The following PCNX2 variants were observed in gnomAD, a reference collection of about 807,000 sequenced individuals.
The protein encoded by PCNX2 is pecanex 2.
PCNX2 carries 168 observed loss-of-function variants against 223.8 expected under a neutral mutation model. The ratio of observed to expected loss-of-function variants is 0.75; its 90% CI spans 0.66 to 0.85. PCNX2 has a LOEUF of 0.85. Ranked by LOEUF, PCNX2 falls within the 40% of genes least tolerant of loss-of-function variation. The pLI is 0.00. For missense variants in PCNX2, 2,507 were observed against 2,675.5 expected (o/e 0.94, Z 1.39); for synonymous variants, 1,006 against 1,052.6 (o/e 0.96, Z 0.86).
chr1:233,151,686 A>AT (rs917639336), intron 19 of PCNX2, among the ~76,000 whole-genome samples: 53 of 151,654 alleles, frequency 3.5e-4, no homozygotes, highest in African/African-American at 1.2e-3. Flanking sequence ...TTATTTATTT[A>AT]TTTTTGAGAC....
chr1:232,985,043 A>G (rs1412288350), intron 33 of PCNX2: 2 of 152,258 alleles, frequency 1.3e-5, no homozygotes, highest in Non-Finnish European at 2.9e-5. Flanking sequence ...GGGGAAATGT[A>G]TTCTTTTAGT....
At chr1:233,222,832 G>T (rs911307796) in intron 10 of PCNX2, among the ~76,000 whole-genome samples, 2 of 152,216 alleles carry the variant, frequency 1.3e-5, no homozygotes, top group Non-Finnish European at 2.9e-5. Context: ...GCAGGCTTGG[G>T]TGAGGCTGAG....
intron 21 of PCNX2, among the ~76,000 whole-genome samples, chr1:233,129,060 G>A (rs566696749): frequency 4.6e-5 from 7 of 152,354 alleles, no homozygotes; most frequent in Admixed American, 2.6e-4. Flanking sequence ...TGCGCTGTGG[G>A]GGCCCCTCTC....
At chr1:233,143,987 C>T (rs183373970) in intron 19 of PCNX2, among the ~76,000 whole-genome samples, 7 of 152,098 alleles carry the variant, frequency 4.6e-5, no homozygotes, top group Admixed American at 6.5e-5. Context: ...ATACCCCAAG[C>T]CTGGGCAATA....
intron 8 of PCNX2, among the ~76,000 whole-genome samples, chr1:233,242,643 AAGAG>A (rs1658843786): frequency 6.6e-6 from 1 of 152,252 alleles, no homozygotes; most frequent in Non-Finnish European, 1.5e-5. Context: ...CTGAACAAAA[AAGAG>A]AAACTATCAA....
At chr1:233,061,710 T>C (rs1236301407) in intron 23 of PCNX2, among the ~76,000 whole-genome samples, 2 of 152,098 alleles carry the variant, frequency 1.3e-5, no homozygotes, top group African/African-American at 2.4e-5. Flanking sequence ...TTAAAGAAAG[T>C]TTTGTTGGTT....
Position 233,139,685 on chromosome 1 carries a change from A to G in PCNX2, c.3659+29T>C. On this transcript the variant is annotated intron_variant, in intron 20 of 33. Coordinates refer to ENST00000258229, the MANE Select transcript of PCNX2 (RefSeq NM_014801.4). This position sits in a 1 kb window ranked among gnomAD's most constrained non-coding sequence, Gnocchi z 4.4. ...CGATTTTGAAAATGTGACCCAAATCATTATGAAGATAAACCATTAACCACT... is the reference window on the plus strand; with the variant it reads ...CGATTTTGAAAATGTGACCCAAATCGTTATGAAGATAAACCATTAACCACT... 1 of 1,558,312 alleles carries G rather than the reference A, an allele frequency of 6.4e-7. No homozygotes were observed. Among genetic ancestry groups the G allele is most frequent in the Non-Finnish European group, 8.7e-7 (1 of 1,149,798 alleles).
intron 1 of PCNX2, chr1:233,284,981 T>C (rs1661374216): frequency 1.0e-6 from 1 of 985,230 alleles, no homozygotes; most frequent in African/African-American, 1.7e-5. Context: ...TCCGTGTTCC[T>C]AACTACCTAT....
chr1:233,232,137 G>A (rs920897627), intron 9 of PCNX2, among the ~76,000 whole-genome samples: 3 of 152,198 alleles, frequency 2.0e-5, no homozygotes, highest in African/African-American at 7.2e-5. Flanking sequence ...CAGTGGCTAT[G>A]TTTAGCAGCC....
chr1:233,125,489 T>G (rs1389587792), intron 21 of PCNX2, among the ~76,000 whole-genome samples: 1 of 152,186 alleles, frequency 6.6e-6, no homozygotes, highest in African/African-American at 2.4e-5. Flanking sequence ...TGACCTTCTG[T>G]GTAGTCCAAT....
the PCNX2 span, among the ~76,000 whole-genome samples, chr1:233,314,744 A>T: frequency 1.5e-4 from 21 of 143,474 alleles, no homozygotes; most frequent in Admixed American, 5.7e-4. Context: ...GCTTTTATTT[A>T]AAAAAAAAAA....
upstream of PCNX2, among the ~76,000 whole-genome samples, chr1:233,300,103 A>G (rs1020186903): frequency 6.6e-6 from 1 of 152,242 alleles, no homozygotes; most frequent in Non-Finnish European, 1.5e-5. Context: ...CAACATATCT[A>G]CACACATGCA....
intron 24 of PCNX2, among the ~76,000 whole-genome samples, chr1:233,055,881 G>C (rs1358392379): frequency 6.6e-6 from 1 of 152,150 alleles, no homozygotes; most frequent in Non-Finnish European, 1.5e-5. Context: ...AAGGCAGGGA[G>C]TGGTACAAGA....
chr1:233,147,699 G>T (rs1036121262), intron 19 of PCNX2, among the ~76,000 whole-genome samples: 2 of 152,152 alleles, frequency 1.3e-5, no homozygotes, highest in African/African-American at 4.8e-5. Context: ...TAATCTTTAG[G>T]AAGACTTGGA....
chr1:233,111,747 A>G (rs958112170), intron 21 of PCNX2, among the ~76,000 whole-genome samples: 1 of 152,180 alleles, frequency 6.6e-6, no homozygotes, highest in Non-Finnish European at 1.5e-5. Context: ...ATCCCCCATT[A>G]GAATGCACTG....
chr1:232,992,449 C>A (rs1391308408), intron 32 of PCNX2, among the ~76,000 whole-genome samples: 1 of 152,178 alleles, frequency 6.6e-6, no homozygotes, highest in Non-Finnish European at 1.5e-5. Context: ...ATGCCAGCTG[C>A]ACAGATGGAG....
intron 23 of PCNX2, among the ~76,000 whole-genome samples, chr1:233,068,060 T>C (rs1019275176): frequency 6.6e-6 from 1 of 150,616 alleles, no homozygotes; most frequent in African/African-American, 2.5e-5. Flanking sequence ...AAAAAGCTCT[T>C]GAAAGCAACA....
intron 32 of PCNX2, among the ~76,000 whole-genome samples, chr1:232,988,871 G>A (rs1236027964): frequency 6.6e-6 from 1 of 152,208 alleles, no homozygotes. Flanking sequence ...TGAGGCTGGC[G>A]TAGTGAGCGC....
chr1:233,093,861 T>A (rs1283351765), intron 22 of PCNX2, among the ~76,000 whole-genome samples: 3 of 152,216 alleles, frequency 2.0e-5, no homozygotes, highest in Non-Finnish European at 4.4e-5. Flanking sequence ...CTCGAATGTT[T>A]CCATGTTGTA....
Sources: allele counts gnomAD v4.1 joint callset (sites outside exome capture counted in the v4.1 genomes callset), GRCh38; gene constraint gnomAD v4.1.1; non-coding constraint Gnocchi (gnomAD v3.1); transcripts MANE v1.5; gene names NCBI Gene and HGNC (gene_info 2026-07-23, HGNC 2026-07-21).